The following HOXA3 variants were observed in gnomAD, a reference collection of about 807,000 sequenced individuals.
HOXA3 encodes the protein homeobox A3.
Under a neutral mutation model 30.3 loss-of-function variants are expected in HOXA3, and 8 were observed. The ratio of observed to expected loss-of-function variants is 0.26; its 90% CI spans 0.15 to 0.48. The LOEUF is 0.48. Ranked by LOEUF, HOXA3 falls within the 20% of genes least tolerant of loss-of-function variation. HOXA3 has a pLI of 0.99. For missense variants in HOXA3, 653 were observed against 614.4 expected (o/e 1.06, Z -0.66); for synonymous variants, 323 against 273.1 (o/e 1.18, Z -1.80).
At chr7:27,141,726 A>G in intron 1 of HOXA3, 2 of 1,395,008 alleles carry the variant, frequency 1.4e-6, no homozygotes, top group Non-Finnish European at 9.8e-7. Context: ...GGGCAACGAG[A>G]ACAGGGCTTC....
In HOXA3 at chr7:27,110,629, C is replaced by T. The variant is rs750457016; in HGVS notation, c.12G>A (p.Ala4=). ...AGATCGCCGAGCTGTCGTAGTAGGT[C>T]GCTTTTTGCATCGCGTTGTTTCACG... MQK[A]TYYDSSAIYG... Residue 4 remains alanine, a synonymous_variant, in exon 5 of 6, where the codon GCG becomes GCA. Transcript: ENST00000612286. 1.2e-6 allele frequency: 2 copies of T among 1,602,952 alleles called. No individual in the cohort carries two copies. Among genetic ancestry groups the T allele is most frequent in the Non-Finnish European group, 8.5e-7 (1 of 1,171,568 alleles).
intron 1 of HOXA3, chr7:27,143,660 A>G (rs1055207469): frequency 1.9e-6 from 3 of 1,544,002 alleles, no homozygotes; most frequent in Non-Finnish European, 2.6e-6. Flanking sequence ...TTGTGCGTCT[A>G]TAGCACCCTT....
At chr7:27,127,802 CA>C (rs1224915755) in intron 2 of HOXA3, among the ~76,000 whole-genome samples, 1 of 152,202 alleles carries the variant, frequency 6.6e-6, no homozygotes, top group Non-Finnish European at 1.5e-5. Flanking sequence ...TATTTTCCAG[CA>C]GTAAACTCTC....
At chr7:27,117,912 T>C (rs17471758) in intron 4 of HOXA3, among the ~76,000 whole-genome samples, 1,713 of 152,266 alleles carry the variant, frequency 0.011, 33 homozygotes, top group African/African-American at 0.039. Context: ...TGGGGGCCAC[T>C]GGGCCCACCT....
At chr7:27,129,518 G>T in intron 2 of HOXA3, 2 of 1,614,100 alleles carry the variant, frequency 1.2e-6, no homozygotes, top group East Asian at 2.2e-5. Context: ...ACCTGCTGCC[G>T]GGTGTAGGCG....
intron 1 of HOXA3, chr7:27,145,621 G>A: frequency 6.3e-7 from 1 of 1,593,358 alleles, no homozygotes; most frequent in African/African-American, 1.3e-5. Flanking sequence ...CAAAGCCGAA[G>A]GAGGTTGCAG....
chr7:27,108,015 C>T lies in HOXA3; in HGVS notation c.1232G>A (p.Gly411Glu). 6.2e-7 allele frequency: 1 copy of T among 1,612,786 alleles called. No individual in the cohort carries two copies. Among genetic ancestry groups the T allele is most frequent in the Non-Finnish European group, 8.5e-7 (1 of 1,179,216 alleles). ...AGPLGSGHHH[G>E]PGPGEPHPTY... is the part of the protein sequence containing the mutation. ...GGGGTGCGGCTCCCCAGGCCCCGGC[C>T]CGTGGTGGTGGCCGCTGCCCAGCGG... Residue 411 changes from glycine to glutamate, a missense_variant, in exon 6 of 6, where the codon GGG (glycine) becomes GAG (glutamate). By Grantham distance (98) the Gly-to-Glu change is moderately conservative. Transcript: ENST00000612286. This position sits in a 1 kb window ranked among gnomAD's most constrained non-coding sequence, Gnocchi z 5.0.
intron 2 of HOXA3, among the ~76,000 whole-genome samples, chr7:27,135,230 T>C (rs765345314): frequency 6.6e-6 from 1 of 152,046 alleles, no homozygotes; most frequent in African/African-American, 2.4e-5. Flanking sequence ...TTCTGAAGAA[T>C]AGAAAATATT....
Position 27,108,571 on chromosome 7 carries a change from T to C in HOXA3, c.676A>G (p.Asn226Asp), listed in dbSNP as rs146963463. The C allele has an allele frequency of 3.3e-5, 53 of 1,614,018 alleles. No homozygotes were observed. The highest frequency in any genetic ancestry group is 4.4e-5 in the Non-Finnish European group (52 of 1,180,002). Residue 226 changes from asparagine to aspartate, a missense_variant, in exon 6 of 6, where the codon AAT becomes GAT. This residue lies in a region of HOXA3 where 320 missense variants were observed against 321.9 expected (regional missense o/e 0.99). Transcript: ENST00000612286. The surrounding 1 kb of genome is among the most constrained non-coding windows in gnomAD (Gnocchi z 5.0). ...LCRPRRVEMA[N>D]LLNLTERQIK... is the part of the protein sequence containing the mutation. Reference sequence around the variant, plus strand: ...TGGCGCTCAGTGAGGTTCAGCAGATTGGCCATCTCCACCCGGCGCGGCCGG... The same window carrying C: ...TGGCGCTCAGTGAGGTTCAGCAGATCGGCCATCTCCACCCGGCGCGGCCGG...
At chr7:27,125,818 A>G (rs1295243115) in intron 3 of HOXA3, among the ~76,000 whole-genome samples, 1 of 152,154 alleles carries the variant, frequency 6.6e-6, no homozygotes, top group African/African-American at 2.4e-5. Flanking sequence ...ATCTGTTTCT[A>G]TGTGGGAACT....
At chr7:27,128,840 G>A (rs2128053591) in intron 2 of HOXA3, 1 of 248,132 alleles carries the variant, frequency 4.0e-6, no homozygotes, top group Non-Finnish European at 7.9e-6. Flanking sequence ...AGGAAGGTGG[G>A]GAAAGGGTCT....
intron 1 of HOXA3, among the ~76,000 whole-genome samples, chr7:27,151,924 G>C (rs1360051559): frequency 2.0e-5 from 3 of 152,290 alleles, no homozygotes; most frequent in Non-Finnish European, 4.4e-5. Flanking sequence ...AGTGTGCCGG[G>C]CCACTTCCTT....
chr7:27,108,229 G>C lies in HOXA3; in HGVS notation c.1018C>G (p.Pro340Ala), dbSNP rs1311738836. ...TAAGAGAGGTPDYDPHAHGLQ... is the reference protein window; with the variant it reads ...TAAGAGAGGTADYDPHAHGLQ... ...CCATGAGCGTGCGGGTCATAGTCGG[G>C]GGTGCCCCCTGCGCCCGCCCCTGCC... The change falls in exon 6 of 6, where the codon CCC becomes GCC. Residue 340 changes from proline (P) to alanine (A), a missense_variant. Physicochemically the swap from Pro to Ala is conservative, Grantham distance 27. Around this residue, in one of 3 missense-constraint regions of HOXA3, gnomAD observed 330 missense variants for 274.4 expected, o/e 1.20. Transcript: ENST00000612286. The surrounding 1 kb of genome is among the most constrained non-coding windows in gnomAD (Gnocchi z 5.0). 6.6e-7 allele frequency: 1 copy of C among 1,523,054 alleles called. No homozygotes were observed. The highest frequency in any genetic ancestry group is 8.8e-7 in the Non-Finnish European group (1 of 1,135,572). The allele number at this position is 1,523,054 out of a possible 1,614,324, so 94.3% of individuals were successfully genotyped here. A position where few individuals can be genotyped will look rare whatever the true frequency, so the allele number is the denominator to read the frequency against.
At chr7:27,139,049 C>T (rs1237144687) in intron 2 of HOXA3, among the ~76,000 whole-genome samples, 4 of 152,090 alleles carry the variant, frequency 2.6e-5, no homozygotes, top group African/African-American at 9.7e-5. Context: ...AGGGGGCCGC[C>T]TAAGTTGCCT....
intron 2 of HOXA3, among the ~76,000 whole-genome samples, chr7:27,139,021 C>G (rs1183012395): frequency 6.6e-6 from 1 of 152,122 alleles, no homozygotes; most frequent in African/African-American, 2.4e-5. Flanking sequence ...GTGAATTTCT[C>G]CAATCTTAAT....
chr7:27,114,869 T>TA (rs1238374435), intron 4 of HOXA3, among the ~76,000 whole-genome samples: 3 of 114,866 alleles, frequency 2.6e-5, no homozygotes, highest in African/African-American at 9.6e-5. Flanking sequence ...ATATAATATA[T>TA]ATTATATATA....
chr7:27,145,675 C>T, intron 1 of HOXA3: 2 of 1,613,854 alleles, frequency 1.2e-6, no homozygotes, highest in Non-Finnish European at 1.7e-6. Context: ...CCCGCCTTTG[C>T]CTCTGAGTCC....
chr7:27,125,051 A>G (rs1396409419), intron 3 of HOXA3, among the ~76,000 whole-genome samples: 2 of 152,226 alleles, frequency 1.3e-5, no homozygotes, highest in Non-Finnish European at 2.9e-5. Flanking sequence ...CCATGAGGCA[A>G]GAACCCATCC....
At chr7:27,118,484 A>G (rs561603249) in intron 4 of HOXA3, among the ~76,000 whole-genome samples, 1 of 152,306 alleles carries the variant, frequency 6.6e-6, no homozygotes, top group African/African-American at 2.4e-5. Context: ...CAGAATATTT[A>G]GCTTTGGGGG....
Sources: gnomAD v4.1 joint callset for allele counts (sites outside exome capture counted in the v4.1 genomes callset) on GRCh38, gnomAD v4.1.1 for gene constraint, gnomAD v4.1.1 regional missense constraint, Gnocchi (gnomAD v3.1) non-coding constraint, MANE v1.5 for transcripts, NCBI Gene and HGNC (gene_info 2026-07-23, HGNC 2026-07-21) for gene names.